RBFOX3: variants seen among roughly 807,000 people sequenced by gnomAD.
The protein encoded by RBFOX3 is RNA binding protein fox-1 homolog 3.
A neutral mutation model predicts 48.7 loss-of-function variants in RBFOX3; 17 were observed. That is an observed-to-expected ratio of 0.35 (90% confidence interval 0.24 to 0.52). RBFOX3 has a LOEUF of 0.52. Ranked by LOEUF, RBFOX3 falls within the 20% of genes least tolerant of loss-of-function variation. The probability of loss-of-function intolerance (pLI) is 0.94; values close to 1 mark genes in which losing one functional copy is unlikely to be tolerated. For missense variants in RBFOX3, 382 were observed against 497.5 expected (o/e 0.77, Z 2.21); for synonymous variants, 212 against 209.5 (o/e 1.01, Z -0.10).
At position 79,505,321 on chromosome 17, in the gene RBFOX3, A is replaced by G. The variant is rs1334753136; in HGVS notation, c.-319-22723T>C. 3.9e-5 allele frequency among the ~76,000 whole-genome samples: 6 copies of G among 152,206 alleles called. No homozygotes were observed. In the East Asian group the frequency reaches 9.7e-4, roughly 25 times the overall value. ...CCAGCACCTGCCTGGGGTCCAGAGT[A>G]CCCCTGGAGCAGCCTCAGTCCACGA... On this transcript the variant is annotated intron_variant, in intron 1 of 14. Transcript: ENST00000693108.
intron 1 of RBFOX3, among the ~76,000 whole-genome samples, chr17:79,543,723 G>T (rs1555791027): frequency 1.3e-5 from 2 of 152,218 alleles, no homozygotes; most frequent in African/African-American, 4.8e-5. Context: ...TAGGTACAAA[G>T]CCCATTAACT....
intron 5 of RBFOX3, 56 bp from the exon 6 acceptor site, chr17:79,106,844 C>T (rs1049602463): frequency 3.3e-5 from 49 of 1,468,802 alleles, no homozygotes; most frequent in Non-Finnish European, 4.0e-5. Context: ...GTTGCCCATC[C>T]CCTCTGCTAA....
At chr17:79,478,138 C>T (rs1372881868) in intron 2 of RBFOX3, among the ~76,000 whole-genome samples, 3 of 152,226 alleles carry the variant, frequency 2.0e-5, no homozygotes, top group Non-Finnish European at 4.4e-5. Flanking sequence ...TGTGTCTCGG[C>T]TCAGCCCTCA....
intron 2 of RBFOX3, among the ~76,000 whole-genome samples, chr17:79,375,436 A>G (rs2059112701): frequency 6.7e-6 from 1 of 149,058 alleles, no homozygotes; most frequent in Non-Finnish European, 1.5e-5. Context: ...GAGGGTGTGT[A>G]TTTGGGGAGT....
At chr17:79,594,692 C>T (rs964220266) in intron 1 of RBFOX3, among the ~76,000 whole-genome samples, 1 of 152,204 alleles carries the variant, frequency 6.6e-6, no homozygotes, top group Non-Finnish European at 1.5e-5. Context: ...ATCAATGTGA[C>T]GTCTAACATA....
the RBFOX3 span, among the ~76,000 whole-genome samples, chr17:79,638,955 A>G: frequency 6.6e-6 from 1 of 152,200 alleles, no homozygotes; most frequent in Non-Finnish European, 1.5e-5. Flanking sequence ...CAGCTATTTT[A>G]TAGCAAGACA....
the RBFOX3 span, among the ~76,000 whole-genome samples, chr17:79,617,008 C>T: frequency 6.6e-6 from 1 of 152,178 alleles, no homozygotes; most frequent in Non-Finnish European, 1.5e-5. Flanking sequence ...GCCTCAGCCT[C>T]AGCTGTGTCC....
Position 79,437,326 on chromosome 17 carries a change from G to A in RBFOX3, c.-175+45128C>T, listed in dbSNP as rs545800648. Among the ~76,000 whole-genome samples, 144 of 152,314 alleles carry A rather than the reference G, an allele frequency of 9.5e-4. 1 individual carries two copies. Among genetic ancestry groups the A allele is most frequent in the African/African-American group, 3.1e-3 (129 of 41,566 alleles). On this transcript the variant is annotated intron_variant, in intron 2 of 14. Transcript: ENST00000693108. ...GTTCCAAGCTCCAGCCGGGGAGGCC[G>A]GGTCCCCCTGCCCACCCGCTCCTCC...
At chr17:79,188,666 T>C (rs1466486193) in intron 4 of RBFOX3, among the ~76,000 whole-genome samples, 1 of 152,204 alleles carries the variant, frequency 6.6e-6, no homozygotes, top group African/African-American at 2.4e-5. Context: ...CCGCTCACTC[T>C]GCTCCTTCCA....
rs1020897296 is a variant in RBFOX3 at position 79,588,990 on chromosome 17, A to G, written c.-320+21836T>C. ...GACCTGGGCCATATAGTGAGACCCC[A>G]TCCTGAGCTTGGACCTGGGCCATAT... On this transcript the variant is annotated intron_variant, in intron 1 of 14. Transcript: ENST00000693108. Among the ~76,000 whole-genome samples, 126 of 137,088 alleles carry G rather than the reference A, an allele frequency of 9.2e-4. 2 individuals are homozygous for G. Among genetic ancestry groups the G allele is most frequent in the African/African-American group, 3.4e-3 (117 of 34,570 alleles). 89.9% of individuals were successfully genotyped at this position (137,088 alleles called of 152,430 possible). A position where few individuals can be genotyped will look rare whatever the true frequency, so the allele number is the denominator to read the frequency against.
the RBFOX3 span, among the ~76,000 whole-genome samples, chr17:79,631,078 A>T: frequency 6.6e-6 from 1 of 152,128 alleles, no homozygotes; most frequent in South Asian, 2.1e-4. Flanking sequence ...TTGCATTTGG[A>T]TTAACCAGGG....
chr17:79,308,080 A>G (rs2076325057), intron 2 of RBFOX3, among the ~76,000 whole-genome samples: 1 of 152,164 alleles, frequency 6.6e-6, no homozygotes, highest in Admixed American at 6.5e-5. Flanking sequence ...GGTGAGACTC[A>G]CGGTATCAAA....
chr17:79,117,868 C>T (rs116942220), intron 4 of RBFOX3, among the ~76,000 whole-genome samples: 81 of 152,328 alleles, frequency 5.3e-4, no homozygotes, highest in Middle Eastern at 6.8e-3. Context: ...AACAATGACC[C>T]GATGTCAAAC....
intron 4 of RBFOX3, among the ~76,000 whole-genome samples, chr17:79,182,969 T>C (rs1474613778): frequency 7.0e-6 from 1 of 143,404 alleles, no homozygotes; most frequent in East Asian, 2.1e-4. Context: ...CCCCTCGGGC[T>C]TCCCCGGAGA....
In RBFOX3 at chr17:79,589,108, G is replaced by A. The variant is rs1209930767; in HGVS notation, c.-320+21718C>T. On this transcript the variant is annotated intron_variant, in intron 1 of 14. Transcript: ENST00000693108. ...CTTTCAGGGCATAGCAGTGCTCAAG[G>A]GTGGGGAACTTAAGGAACTGCCTGG... Among the ~76,000 whole-genome samples the A allele has an allele frequency of 2.6e-5, 4 of 152,252 alleles. No individual in the cohort carries two copies. In the South Asian group the frequency reaches 6.2e-4, roughly 24 times the overall value.
intron 2 of RBFOX3, among the ~76,000 whole-genome samples, chr17:79,318,914 C>T (rs1047379404): frequency 7.1e-6 from 1 of 141,580 alleles, no homozygotes; most frequent in African/African-American, 2.7e-5. Flanking sequence ...TGGAGATATA[C>T]CTAATGTTAA....
chr17:79,570,314 TGGATGGATGGATA>T (rs1207820037), intron 1 of RBFOX3, among the ~76,000 whole-genome samples: 1 of 152,020 alleles, frequency 6.6e-6, no homozygotes, highest in East Asian at 1.9e-4. Flanking sequence ...AGATGGATTA[TGGATGGATGGATA>T]GGTGGATTAC....
At chr17:79,597,380 A>G (rs922959073) in intron 1 of RBFOX3, among the ~76,000 whole-genome samples, 10 of 152,226 alleles carry the variant, frequency 6.6e-5, no homozygotes, top group Admixed American at 3.3e-4. Context: ...AGACTTGTAG[A>G]AGGGCTTTCT....
intron 2 of RBFOX3, among the ~76,000 whole-genome samples, chr17:79,438,506 C>G (rs1288930025): frequency 6.6e-6 from 1 of 152,254 alleles, no homozygotes; most frequent in Non-Finnish European, 1.5e-5. Context: ...AAACGCTGAT[C>G]TGGCTCTCCT....
Sources: gnomAD v4.1 joint callset for allele counts (sites outside exome capture counted in the v4.1 genomes callset) on GRCh38, gnomAD v4.1.1 for gene constraint, MANE v1.5 for transcripts, NCBI Gene and HGNC (gene_info 2026-07-23, HGNC 2026-07-21) for gene names.